The following NSL1 variants were observed in gnomAD, a reference collection of about 807,000 sequenced individuals.
NSL1 encodes the protein kinetochore-associated protein NSL1 homolog.
Under a neutral mutation model 25.4 loss-of-function variants are expected in NSL1, and 11 were observed. The ratio of observed to expected loss-of-function variants is 0.43; its 90% CI spans 0.27 to 0.72. The LOEUF (loss-of-function observed/expected upper bound fraction) is 0.72, where lower values mean the gene tolerates loss of function less well. Ranked by LOEUF, NSL1 falls within the 30% of genes least tolerant of loss-of-function variation. The pLI, the probability that NSL1 is intolerant of heterozygous loss-of-function variation, is 0.19. For synonymous variants in NSL1, 118 were observed against 120.6 expected, an observed-to-expected ratio of 0.98 and a Z score of 0.14; for missense variants, 330 against 342.7, an observed-to-expected ratio of 0.96 and a Z score of 0.29.
At chr1:212,757,479 T>C (rs1255862893) in intron 4 of NSL1, among the ~76,000 whole-genome samples, 1 of 152,204 alleles carries the variant, frequency 6.6e-6, no homozygotes, top group East Asian at 1.9e-4. Context: ...GAGGTTTAAT[T>C]GGCTCACAGT....
chr1:212,739,025 A>C (rs535137786), intron 5 of NSL1, among the ~76,000 whole-genome samples: 1 of 152,126 alleles, frequency 6.6e-6, no homozygotes, highest in Non-Finnish European at 1.5e-5. Flanking sequence ...GGCCTCCCAA[A>C]GTGCTTGGAT....
chr1:212,751,267 T>C (rs1255747812), intron 4 of NSL1, among the ~76,000 whole-genome samples: 4 of 152,196 alleles, frequency 2.6e-5, no homozygotes, highest in Admixed American at 6.5e-5. Context: ...CCCATTCCTA[T>C]AGTAGTATGG....
Position 212,750,942 on chromosome 1 carries a change from C to T in NSL1, c.500-11341G>A, listed in dbSNP as rs139095004. Among the ~76,000 whole-genome samples, 121 of 150,774 alleles carry T rather than the reference C, an allele frequency of 8.0e-4. 2 individuals are homozygous for T. The East Asian group carries it at 0.015, about 18-fold the overall frequency. On this transcript the variant is annotated intron_variant, in intron 4 of 5. Coordinates refer to ENST00000366977, the MANE Select transcript of NSL1 (RefSeq NM_015471.4). ...AGTCACAGAGCAAGACTGCCTCAAA[C>T]GAAAAAAAATAATAATAAAGCAATT...
intron 4 of NSL1, among the ~76,000 whole-genome samples, chr1:212,772,014 C>T (rs1660143237): frequency 6.6e-6 from 1 of 152,144 alleles, no homozygotes; most frequent in Admixed American, 6.5e-5. Context: ...AATAAATTCT[C>T]ATGAGATCCA....
At chr1:212,791,233 T>C (rs556722898) in intron 1 of NSL1, among the ~76,000 whole-genome samples, 4 of 152,358 alleles carry the variant, frequency 2.6e-5, no homozygotes, top group Non-Finnish European at 5.9e-5. Context: ...ATTTATTGGG[T>C]TAAACAAAAT....
chr1:212,728,991 G>C lies in NSL1; in HGVS notation c.*9417C>G, dbSNP rs540115166. 4.5e-5 allele frequency: 44 copies of C among 985,176 alleles called. No homozygotes were observed. The highest frequency in any genetic ancestry group is 6.1e-5 in the Admixed American group (1 of 16,266). 61.0% of individuals were successfully genotyped at this position (985,176 alleles called of 1,614,324 possible). A position where few individuals can be genotyped will look rare whatever the true frequency, so the allele number is the denominator to read the frequency against. ...AAATGAGGAGTAATTTTAGTAAGGA[G>C]GATTTCTAAAGAAGCAGTCATTTGT... On this transcript the variant is annotated 3_prime_UTR_variant, in exon 6 of 6. Coordinates refer to ENST00000366977, the MANE Select transcript of NSL1 (RefSeq NM_015471.4).
chr1:212,746,323 A>G (rs1227446911), intron 4 of NSL1, among the ~76,000 whole-genome samples: 2 of 152,224 alleles, frequency 1.3e-5, no homozygotes, highest in African/African-American at 4.8e-5. Context: ...TATTAAAACT[A>G]AAGTGGTATT....
intron 4 of NSL1, among the ~76,000 whole-genome samples, chr1:212,759,891 A>T (rs1277470219): frequency 6.6e-6 from 1 of 152,160 alleles, no homozygotes; most frequent in African/African-American, 2.4e-5. Flanking sequence ...CACTCCTCAG[A>T]GCCTGAGAGC....
chr1:212,764,394 C>G (rs561114392), intron 4 of NSL1, among the ~76,000 whole-genome samples: 5 of 151,880 alleles, frequency 3.3e-5, no homozygotes, highest in East Asian at 1.9e-4. Flanking sequence ...TAAACCCAAA[C>G]CCAGGAGAAG....
In NSL1 at chr1:212,728,265, T is replaced by C; in HGVS notation, c.*10143A>G. 1.0e-6 allele frequency: 1 copy of C among 969,944 alleles called. No homozygotes were observed. Among genetic ancestry groups the C allele is most frequent in the African/African-American group, 1.8e-5 (1 of 57,042 alleles). 60.1% of individuals were successfully genotyped at this position (969,944 alleles called of 1,614,324 possible). On this transcript the variant is annotated 3_prime_UTR_variant, in exon 6 of 6. Coordinates refer to ENST00000366977, the MANE Select transcript of NSL1 (RefSeq NM_015471.4). ...CCTTCAGCAAATAAGTTGATAACAT[T>C]ATATATGTAAACATTTATTTAAAGT... is the stretch of plus-strand genomic sequence containing the variant.
chr1:212,736,126 C>T lies in NSL1; in HGVS notation c.*2282G>A, dbSNP rs1443600270. The T allele has an allele frequency of 3.4e-6, 3 of 870,954 alleles. No individual in the cohort carries two copies. In the East Asian group the frequency reaches 3.6e-4, roughly 106 times the overall value. The allele number at this position is 870,954 out of a possible 1,614,324, so 54.0% of individuals were successfully genotyped here. On this transcript the variant is annotated 3_prime_UTR_variant, in exon 6 of 6. Transcript: ENST00000366977. ...CATCCTGGCTCACTGCAACTTCTGC[C>T]TCCAGGGCTCAAGTGATCCTCTCAT...
intron 4 of NSL1, among the ~76,000 whole-genome samples, chr1:212,780,515 A>AG (rs1193487618): frequency 7.8e-6 from 1 of 127,594 alleles, no homozygotes; most frequent in African/African-American, 2.6e-5. Flanking sequence ...AAAAAAAAAA[A>AG]GGAAAAAAAA....
rs1661269730 is a variant in NSL1 at position 212,791,547 on chromosome 1, G to A, written c.217C>T (p.Leu73=). ...TCCCGTACCCACTGCGCATCTCGCA[G>A]AGCGGGCTCCCGAATCTCCTCCGGC... is the stretch of plus-strand genomic sequence containing the variant. ...ALPEEIREPA[L]RDAQWTFESA... Residue 73 remains leucine, a synonymous_variant, in exon 1 of 6, where the codon CTG becomes TTG. Transcript: ENST00000366977. 6.2e-7 allele frequency: 1 copy of A among 1,613,506 alleles called. No homozygotes were observed. Among genetic ancestry groups the A allele is most frequent in the Admixed American group, 1.7e-5 (1 of 60,004 alleles).
intron 4 of NSL1, among the ~76,000 whole-genome samples, chr1:212,744,996 C>T (rs113688733): frequency 0.18 from 27,901 of 151,664 alleles, 2,942 homozygotes; most frequent in African/African-American, 0.3. Context: ...ATTAGCTGGG[C>T]GTGGTGGTGC....
At chr1:212,772,676 C>CAA (rs55760174) in intron 4 of NSL1, among the ~76,000 whole-genome samples, 14 of 150,520 alleles carry the variant, frequency 9.3e-5, no homozygotes, top group African/African-American at 3.2e-4. Flanking sequence ...GACATTGTCT[C>CAA]AAAAAAAGAA....
chr1:212,745,136 AAAAC>A (rs751318351), intron 4 of NSL1, among the ~76,000 whole-genome samples: 23 of 130,106 alleles, frequency 1.8e-4, no homozygotes, highest in East Asian at 1.3e-3. Context: ...ACTCCATCTC[AAAAC>A]AAACAAACAA....
At chr1:212,768,269 G>A (rs933452249) in intron 4 of NSL1, among the ~76,000 whole-genome samples, 16 of 132,352 alleles carry the variant, frequency 1.2e-4, no homozygotes, top group African/African-American at 4.1e-4. Flanking sequence ...GCAGTGAGCC[G>A]AGACTGCACC....
rs571475695 is a variant in NSL1, at chr1:212,736,788, A to T, written c.*1620T>A. On this transcript the variant is annotated 3_prime_UTR_variant, in exon 6 of 6. Transcript: ENST00000366977. ...ACAGGATTTTTGTCACATTTCCTTAATCGATTCCTTGTTTCTCTGCTGAAT... is the reference window on the plus strand; with the variant it reads ...ACAGGATTTTTGTCACATTTCCTTATTCGATTCCTTGTTTCTCTGCTGAAT... 17 of 985,204 alleles carry T rather than the reference A, an allele frequency of 1.7e-5. No homozygotes were observed. The East Asian group carries it at 1.4e-3, about 79-fold the overall frequency. 61.0% of individuals were successfully genotyped at this position (985,204 alleles called of 1,614,324 possible).
At chr1:212,747,786 C>T (rs1461205366) in intron 4 of NSL1, among the ~76,000 whole-genome samples, 1 of 151,938 alleles carries the variant, frequency 6.6e-6, no homozygotes, top group African/African-American at 2.4e-5. Flanking sequence ...CTTTTTTTGA[C>T]ACAGGGTCTC....
Sources: gnomAD v4.1 joint callset for allele counts (sites outside exome capture counted in the v4.1 genomes callset) on GRCh38, gnomAD v4.1.1 for gene constraint, MANE v1.5 for transcripts, NCBI Gene and HGNC (gene_info 2026-07-23, HGNC 2026-07-21) for gene names.